Variants in BEST2 observed in about 807,000 individuals in gnomAD.
The protein encoded by BEST2 is bestrophin 2.
A neutral mutation model predicts 49.0 loss-of-function variants in BEST2; 36 were observed. The ratio of observed to expected loss-of-function variants is 0.73; its 90% CI spans 0.56 to 0.97. The LOEUF is 0.97. Among genes scored for constraint, BEST2 ranks in the 50% least tolerant of loss-of-function variants. BEST2 has a pLI of 0.00. For missense variants in BEST2, 672 were observed against 710.0 expected, an observed-to-expected ratio of 0.95 and a Z score of 0.61; for synonymous variants, 335 against 304.4, an observed-to-expected ratio of 1.10 and a Z score of -1.05.
chr19:12,756,327 G>T, intron 9 of BEST2, 32 bp downstream of exon 9: 1 of 1,609,192 alleles, frequency 6.2e-7, no homozygotes. Context: ...GGCCGCCTGG[G>T]GCAGGGCTTA....
At position 12,754,062 on chromosome 19, in the gene BEST2, C is replaced by CTTTTTTTTTTT. The variant is rs36076549; in HGVS notation, c.248-469_248-459dup. Among the ~76,000 whole-genome samples, 4 of 54,456 alleles carry CTTTTTTTTTTT rather than the reference C, an allele frequency of 7.3e-5. 1 individual carries two copies. The highest frequency in any genetic ancestry group is 1.4e-4 in the Non-Finnish European group (4 of 28,750). 35.7% of individuals were successfully genotyped at this position (54,456 alleles called of 152,430 possible). ...CCAGTGACCCAAAGGGCTGCTCTGC[C>CTTTTTTTTTTT]TTTTTTTTTTTTTTTTTTTTTTTTT... On this transcript the variant is annotated intron_variant, in intron 3 of 9. Coordinates refer to ENST00000553030, the MANE Select transcript of BEST2 (RefSeq NM_017682.3).
intron 2 of BEST2, among the ~76,000 whole-genome samples, chr19:12,752,973 C>T (rs1219264979): frequency 6.6e-6 from 1 of 151,958 alleles, no homozygotes; most frequent in Non-Finnish European, 1.5e-5. Context: ...CTCAGCCTCC[C>T]GAGTAGCTGG....
At position 12,758,337 on chromosome 19, in the gene BEST2, C is replaced by A. The variant is rs1368539061; in HGVS notation, c.*260C>A. 3.8e-6 allele frequency: 2 copies of A among 532,160 alleles called. No homozygotes were observed. Among genetic ancestry groups the A allele is most frequent in the East Asian group, 6.6e-5 (2 of 30,278 alleles). 33.0% of individuals were successfully genotyped at this position (532,160 alleles called of 1,614,324 possible). Reference sequence around the variant, plus strand: ...TCTCTATCAGTGTCCTGCCTGAATTCTTTCCTTCAAGTGAAGATGTGACTG... The same window carrying A: ...TCTCTATCAGTGTCCTGCCTGAATTATTTCCTTCAAGTGAAGATGTGACTG... On this transcript the variant is annotated 3_prime_UTR_variant, in exon 10 of 10. Coordinates refer to ENST00000553030, the MANE Select transcript of BEST2 (RefSeq NM_017682.3).
In BEST2 at chr19:12,755,984, G is replaced by C. The variant is rs778274843; in HGVS notation, c.948+49G>C. 3.8e-6 allele frequency: 6 copies of C among 1,599,188 alleles called. No homozygotes were observed. In the South Asian group the frequency reaches 6.6e-5, roughly 18 times the overall value. ...ACTTCCAGGTGGCGACCATCCCGGAGTGCCCAACAGGGTTCTGGTCCCACC... is the reference window on the plus strand; with the variant it reads ...ACTTCCAGGTGGCGACCATCCCGGACTGCCCAACAGGGTTCTGGTCCCACC... On this transcript the variant is annotated intron_variant, in intron 8 of 9. Transcript: ENST00000553030. The surrounding 1 kb of genome is among the most constrained non-coding windows in gnomAD (Gnocchi z 4.4).
At chr19:12,756,444 G>T in intron 9 of BEST2, 149 bp downstream of exon 9, 1 of 1,104,160 alleles carries the variant, frequency 9.1e-7, no homozygotes, top group Non-Finnish European at 1.3e-6. Context: ...AGCTAAGATA[G>T]GAGTCAGGGG....
Position 12,755,740 on chromosome 19 carries a change from G to C in BEST2, c.840G>C (p.Gln280His), listed in dbSNP as rs750419281. ...GTGTGCCCATCTTCACCCTCTTGCAGTTCTTCTTCTACGCCGGCTGGCTCA... is the reference window on the plus strand; with the variant it reads ...GTGTGCCCATCTTCACCCTCTTGCACTTCTTCTTCTACGCCGGCTGGCTCA... The part of the protein sequence containing the change: ...DLCVPIFTLL[Q>H]FFFYAGWLKV... The change falls in exon 7 of 10, where the codon CAG (glutamine) becomes CAC (histidine). Residue 280 changes from glutamine to histidine, a missense_variant. Coordinates refer to ENST00000553030, the MANE Select transcript of BEST2 (RefSeq NM_017682.3). This position sits in a 1 kb window ranked among gnomAD's most constrained non-coding sequence, Gnocchi z 4.4. 18 of 1,614,018 alleles carry C rather than the reference G, an allele frequency of 1.1e-5. No individual in the cohort carries two copies. The highest frequency in any genetic ancestry group is 1.3e-5 in the Non-Finnish European group (15 of 1,180,024).
intron 1 of BEST2, 122 bp downstream of exon 1, chr19:12,751,961 C>G (rs1281703936): frequency 6.6e-6 from 1 of 151,998 alleles, no homozygotes; most frequent in South Asian, 2.1e-4. Context: ...TGGAGGGGAA[C>G]GGAGAGAGGA....
chr19:12,752,472 G>C, intron 1 of BEST2, 70 bp from the exon 2 acceptor site: 1 of 1,076,178 alleles, frequency 9.3e-7, no homozygotes, highest in East Asian at 2.5e-5. Flanking sequence ...GACTGAAGGG[G>C]TGGCGGGCCG....
At position 12,755,335 on chromosome 19, in the gene BEST2, G is replaced by A. The variant is rs752159525; in HGVS notation, c.637-44G>A. ...GTACCTACACTTAATATCCCTGTGT[G>A]AGCTCACCATTCAGGCCTCCTCATG... On this transcript the variant is annotated intron_variant, in intron 5 of 9. Coordinates refer to ENST00000553030, the MANE Select transcript of BEST2 (RefSeq NM_017682.3). This position sits in a 1 kb window ranked among gnomAD's most constrained non-coding sequence, Gnocchi z 4.4. 18 of 1,589,054 alleles carry A rather than the reference G, an allele frequency of 1.1e-5. No individual in the cohort carries two copies. Among genetic ancestry groups the A allele is most frequent in the Non-Finnish European group, 1.6e-5 (18 of 1,157,434 alleles).
At position 12,752,750 on chromosome 19, in the gene BEST2, G is replaced by C. The variant is rs1439199334; in HGVS notation, c.152+6G>C. 25 of 1,610,226 alleles carry C rather than the reference G, an allele frequency of 1.6e-5. No homozygotes were observed. Among genetic ancestry groups the C allele is most frequent in the Admixed American group, 8.3e-5 (5 of 59,898 alleles). On this transcript the variant is annotated splice_donor_region_variant and intron_variant, in intron 2 of 9. Transcript: ENST00000553030. The stretch of plus-strand genomic sequence containing the variant: ...GCGCTGAGTGCTGCCTACCGGTGAG[G>C]CTGCCCTGAGGTGCTCATGTTCTAG...
Position 12,754,596 on chromosome 19 carries a change from C to G in BEST2, c.292C>G (p.Leu98Val). ...GGTGAACCGCTGGTGGAGCCAGTAC[C>G]TATGCATGCCGCTGCCCGACGCGCT... Reference protein sequence around the residue: ...LVVNRWWSQYLCMPLPDALMC... With the variant: ...LVVNRWWSQYVCMPLPDALMC... The change falls in exon 4 of 10, where the codon CTA becomes GTA. Residue 98 changes from leucine to valine, a missense_variant. Physicochemically the swap from Leu to Val is conservative, Grantham distance 32 (BLOSUM62 1). This residue lies in a region of BEST2 where 365 missense variants were observed against 390.9 expected (regional missense o/e 0.93). Coordinates refer to ENST00000553030, the MANE Select transcript of BEST2 (RefSeq NM_017682.3). 6.4e-7 allele frequency: 1 copy of G among 1,563,978 alleles called. No individual in the cohort carries two copies. Among genetic ancestry groups the G allele is most frequent in the Non-Finnish European group, 8.7e-7 (1 of 1,150,284 alleles).
At position 12,754,582 on chromosome 19, in the gene BEST2, G is replaced by A; in HGVS notation, c.278G>A (p.Trp93Ter). The A allele has an allele frequency of 6.5e-7, 1 of 1,545,864 alleles. No homozygotes were observed. Among genetic ancestry groups the A allele is most frequent in the Non-Finnish European group, 8.8e-7 (1 of 1,138,692 alleles). ...TATGTGACGCTGGTGGTGAACCGCT[G>A]GTGGAGCCAGTACCTATGCATGCCG... is the stretch of plus-strand genomic sequence containing the variant. ...GFYVTLVVNR[W>*]WSQYLCMPLP... The change falls in exon 4 of 10, where the codon TGG (tryptophan) becomes TAG (stop). Residue 93 changes from tryptophan to a stop codon, truncating the protein, a stop_gained. Coordinates refer to ENST00000553030, the MANE Select transcript of BEST2 (RefSeq NM_017682.3). LOFTEE classifies it high-confidence loss of function.
Position 12,755,989 on chromosome 19 carries a change from C to A in BEST2, c.948+54C>A. The A allele has an allele frequency of 6.3e-7, 1 of 1,595,312 alleles. No homozygotes were observed. The highest frequency in any genetic ancestry group is 1.1e-5 in the South Asian group (1 of 90,392). On this transcript the variant is annotated intron_variant, in intron 8 of 9. Transcript: ENST00000553030. This position sits in a 1 kb window ranked among gnomAD's most constrained non-coding sequence, Gnocchi z 4.4. ...CAGGTGGCGACCATCCCGGAGTGCC[C>A]AACAGGGTTCTGGTCCCACCCCTGC...
At position 12,755,057 on chromosome 19, in the gene BEST2, T is replaced by C. The variant is rs45574042; in HGVS notation, c.636+26T>C. 17 of 1,576,376 alleles carry C rather than the reference T, an allele frequency of 1.1e-5. No individual in the cohort carries two copies. Among genetic ancestry groups the C allele is most frequent in the Admixed American group, 2.0e-5 (1 of 49,760 alleles). On this transcript the variant is annotated intron_variant, in intron 5 of 9. Transcript: ENST00000553030. The surrounding 1 kb of genome is among the most constrained non-coding windows in gnomAD (Gnocchi z 4.4). ...GTGGGCCCAACCAGGAGGTCATTCATATAGAATACCAGGGAAATTGTACCC... is the reference window on the plus strand; with the variant it reads ...GTGGGCCCAACCAGGAGGTCATTCACATAGAATACCAGGGAAATTGTACCC...
intron 1 of BEST2, 25 bp from the exon 2 acceptor site, chr19:12,752,517 C>G: frequency 1.4e-6 from 2 of 1,475,434 alleles, no homozygotes; most frequent in Admixed American, 1.7e-5. Flanking sequence ...CAGTTATCCC[C>G]GCACCTCTCC....
chr19:12,752,779 AG>A (rs1555723744), intron 2 of BEST2, 35 bp downstream of exon 2: 43 of 1,562,992 alleles, frequency 2.8e-5, no homozygotes, highest in Admixed American at 7.1e-5. Flanking sequence ...GTTCTAGCGG[AG>A]GGGGGGCAGC....
rs1306979312 is a variant in BEST2 at position 12,754,788 on chromosome 19, G to C, written c.481+3G>C. The stretch of plus-strand genomic sequence containing the variant: ...CATAGACCACGTGGTGGAGGCTGGT[G>C]AGTACTCGGCCAGAGGCAGGGCAGA... On this transcript the variant is annotated splice_donor_region_variant and intron_variant, in intron 4 of 9. Transcript: ENST00000553030. 5 of 1,579,496 alleles carry C rather than the reference G, an allele frequency of 3.2e-6. No homozygotes were observed. The South Asian group carries it at 4.6e-5, about 15-fold the overall frequency.
In BEST2 at chr19:12,754,873, C is replaced by G. The variant is rs1423861473; in HGVS notation, c.482-4C>G. The G allele has an allele frequency of 6.2e-7, 1 of 1,610,982 alleles. No homozygotes were observed. The highest frequency in any genetic ancestry group is 2.2e-5 in the East Asian group (1 of 44,796). ...GCGAGCTATCCCTGACCCCTTTCCT[C>G]CAGGGTTTATGACCCGCGAGGAGCG... On this transcript the variant is annotated splice_polypyrimidine_tract_variant and splice_region_variant and intron_variant, in intron 4 of 9. Coordinates refer to ENST00000553030, the MANE Select transcript of BEST2 (RefSeq NM_017682.3).
chr19:12,755,560 T>G lies in BEST2; in HGVS notation c.715-55T>G, dbSNP rs1432585634. 6.2e-7 allele frequency: 1 copy of G among 1,609,468 alleles called. No homozygotes were observed. The highest frequency in any genetic ancestry group is 8.5e-7 in the Non-Finnish European group (1 of 1,176,674). The stretch of plus-strand genomic sequence containing the variant: ...CTAAGACCCCCATCATAATGATGCC[T>G]AATCCTAGCCTTGGACCCCAATGAC... On this transcript the variant is annotated intron_variant, in intron 6 of 9. Coordinates refer to ENST00000553030, the MANE Select transcript of BEST2 (RefSeq NM_017682.3). This position sits in a 1 kb window ranked among gnomAD's most constrained non-coding sequence, Gnocchi z 4.4.
Sources: gnomAD v4.1 joint callset for allele counts (sites outside exome capture counted in the v4.1 genomes callset) on GRCh38, gnomAD v4.1.1 for gene constraint, gnomAD v4.1.1 regional missense constraint, Gnocchi (gnomAD v3.1) non-coding constraint, MANE v1.5 for transcripts, NCBI Gene and HGNC (gene_info 2026-07-23, HGNC 2026-07-21) for gene names.